Variants in BTBD16 observed in about 807,000 individuals in gnomAD.
BTBD16 encodes BTB domain containing 16, also known as BTB/POZ domain-containing protein 16.
A neutral mutation model predicts 67.4 loss-of-function variants in BTBD16; 66 were observed. The ratio of observed to expected loss-of-function variants is 0.98; its 90% CI spans 0.80 to 1.20. The LOEUF (loss-of-function observed/expected upper bound fraction) is 1.20. BTBD16 is among the 50% of genes most tolerant of loss of function. BTBD16 has a pLI of 0.00. For missense variants in BTBD16, 634 were observed against 616.0 expected, an observed-to-expected ratio of 1.03 and a Z score of -0.31; for synonymous variants, 242 against 236.4, an observed-to-expected ratio of 1.02 and a Z score of -0.22.
At chr10:122,332,874 G>T (rs1456368192) in intron 13 of BTBD16, 1 of 985,242 alleles carries the variant, frequency 1.0e-6, no homozygotes, top group South Asian at 4.7e-5. Flanking sequence ...GTTGCAAACT[G>T]GCTCAACAAG....
intron 7 of BTBD16, chr10:122,295,299 A>T (rs1407855058): frequency 2.0e-6 from 2 of 985,290 alleles, no homozygotes; most frequent in South Asian, 4.7e-5. Context: ...GAATTACAGC[A>T]GTCAAAGGGG....
intron 8 of BTBD16, among the ~76,000 whole-genome samples, chr10:122,298,325 G>C (rs1039351336): frequency 1.3e-5 from 2 of 152,100 alleles, no homozygotes; most frequent in Non-Finnish European, 2.9e-5. Context: ...CAGTGACCTG[G>C]GGGGGGATAC....
intron 10 of BTBD16, among the ~76,000 whole-genome samples, chr10:122,325,732 G>A (rs958074010): frequency 1.3e-5 from 2 of 151,744 alleles, no homozygotes; most frequent in African/African-American, 4.8e-5. Context: ...CTGGAGTGCA[G>A]TAGCATGATC....
At position 122,293,985 on chromosome 10, in the gene BTBD16, C is replaced by T. The variant is rs138287604; in HGVS notation, c.590+2791C>T. 182 of 273,454 alleles carry T rather than the reference C, an allele frequency of 6.7e-4. 2 individuals are homozygous for T. Among genetic ancestry groups the T allele is most frequent in the African/African-American group, 3.8e-3 (166 of 43,766 alleles). 16.9% of individuals were successfully genotyped at this position (273,454 alleles called of 1,614,324 possible). On this transcript the variant is annotated intron_variant, in intron 7 of 15. Coordinates refer to ENST00000260723, the MANE Select transcript of BTBD16 (RefSeq NM_144587.5). ...TCATCCTCCTTTCCCCTCCCCCCAC[C>T]TTGTTTTGAATGCCAGAGCAGGAGG...
At chr10:122,293,505 G>A (rs1220646108) in intron 7 of BTBD16, among the ~76,000 whole-genome samples, 1 of 152,206 alleles carries the variant, frequency 6.6e-6, no homozygotes, top group Non-Finnish European at 1.5e-5. Flanking sequence ...CAGTGTGTCA[G>A]CATGGTCAGA....
intron 13 of BTBD16, 186 bp downstream of exon 13, chr10:122,332,699 G>C: frequency 6.0e-6 from 4 of 670,110 alleles, no homozygotes; most frequent in Non-Finnish European, 3.7e-6. Flanking sequence ...CAAGGGAGGG[G>C]CCTGGGGCGG....
chr10:122,287,267 C>A, intron 5 of BTBD16: 1 of 231,696 alleles, frequency 4.3e-6, no homozygotes, highest in Non-Finnish European at 7.1e-6. Flanking sequence ...CTCCCCTGTA[C>A]CCAAGTCAAA....
rs184894629 is a variant in BTBD16 at position 122,286,116 on chromosome 10, G to C, written c.253G>C (p.Glu85Gln). 8 of 1,613,248 alleles carry C rather than the reference G, an allele frequency of 5.0e-6. No homozygotes were observed. The Admixed American group carries it at 5.0e-5, about 10-fold the overall frequency. The change falls in exon 5 of 16, where the codon GAG becomes CAG. Residue 85 changes from glutamate (E) to glutamine (Q), a missense_variant. By Grantham distance (29) the Glu-to-Gln change is conservative. Coordinates refer to ENST00000260723, the MANE Select transcript of BTBD16 (RefSeq NM_144587.5). ...IQSGEADVIL[E>Q]CLGFKWELHQ... Reference sequence around the variant, plus strand: ...TTTTCTGTCCTCAGATGTGATTCTCGAGTGCCTGGGCTTCAAATGGGAGCT... The same window carrying C: ...TTTTCTGTCCTCAGATGTGATTCTCCAGTGCCTGGGCTTCAAATGGGAGCT...
In BTBD16 at chr10:122,315,474, G is replaced by A. The variant is rs74647515; in HGVS notation, c.911+8166G>A. On this transcript the variant is annotated intron_variant, in intron 10 of 15. Transcript: ENST00000260723. ...ATTAGCTTGAAATTTTCCTTTCTTGGTTTATCCTTACCAGCTTTTAATTAA... is the reference window on the plus strand; with the variant it reads ...ATTAGCTTGAAATTTTCCTTTCTTGATTTATCCTTACCAGCTTTTAATTAA... Among the ~76,000 whole-genome samples, 399 of 152,124 alleles carry A rather than the reference G, an allele frequency of 2.6e-3. 1 individual carries two copies. Among genetic ancestry groups the A allele is most frequent in the African/African-American group, 9.3e-3 (384 of 41,488 alleles).
chr10:122,276,038 G>A (rs2142041553), intron 2 of BTBD16, among the ~76,000 whole-genome samples: 1 of 152,308 alleles, frequency 6.6e-6, no homozygotes, highest in South Asian at 2.1e-4. Flanking sequence ...AAAGAATGAA[G>A]TACCAATACA....
In BTBD16 at chr10:122,331,562, C is replaced by T. The variant is rs1332383638; in HGVS notation, c.1086+304C>T. ...ATAAATGAGCATGTCTCTCTCTGTGCACCCTCAGCAACATAGGGCATTTAA... is the reference window on the plus strand; with the variant it reads ...ATAAATGAGCATGTCTCTCTCTGTGTACCCTCAGCAACATAGGGCATTTAA... On this transcript the variant is annotated intron_variant, in intron 12 of 15. Coordinates refer to ENST00000260723, the MANE Select transcript of BTBD16 (RefSeq NM_144587.5). Among the ~76,000 whole-genome samples the T allele has an allele frequency of 2.6e-5, 4 of 152,226 alleles. No individual in the cohort carries two copies. In the East Asian group the frequency reaches 7.7e-4, roughly 29 times the overall value.
At chr10:122,278,435 T>C (rs2096345484) in intron 3 of BTBD16, among the ~76,000 whole-genome samples, 2 of 152,206 alleles carry the variant, frequency 1.3e-5, no homozygotes, top group Admixed American at 1.3e-4. Flanking sequence ...TGAAGAGTCA[T>C]CTTGAGGATT....
chr10:122,279,899 G>A (rs1438698885), intron 3 of BTBD16, among the ~76,000 whole-genome samples: 6 of 152,162 alleles, frequency 3.9e-5, no homozygotes, highest in African/African-American at 1.2e-4. Context: ...CATTCATGAT[G>A]GAAAGCTGAG....
At chr10:122,316,691 A>T (rs766610504) in intron 10 of BTBD16, among the ~76,000 whole-genome samples, 50 of 152,158 alleles carry the variant, frequency 3.3e-4, no homozygotes, top group Non-Finnish European at 6.6e-4. Context: ...GGCACTTATC[A>T]TGCATGGAAC....
intron 10 of BTBD16, among the ~76,000 whole-genome samples, chr10:122,328,144 G>T (rs111973255): frequency 1.3e-5 from 2 of 152,224 alleles, no homozygotes; most frequent in Non-Finnish European, 2.9e-5. Flanking sequence ...GAAGAAGGAG[G>T]AGGCTCAGAT....
intron 10 of BTBD16, among the ~76,000 whole-genome samples, chr10:122,323,362 C>T (rs2096438767): frequency 6.6e-6 from 1 of 152,150 alleles, no homozygotes; most frequent in Admixed American, 6.5e-5. Context: ...GTGGAACAGT[C>T]TTCTCAGGGC....
intron 5 of BTBD16, 85 bp downstream of exon 5, chr10:122,286,333 A>AG: frequency 1.3e-6 from 2 of 1,504,922 alleles, no homozygotes; most frequent in Non-Finnish European, 1.8e-6. Flanking sequence ...ATCTGTTTTG[A>AG]GACCACGGTC....
chr10:122,335,431 C>T (rs967922848), intron 14 of BTBD16, among the ~76,000 whole-genome samples: 5 of 152,184 alleles, frequency 3.3e-5, no homozygotes, highest in Non-Finnish European at 7.3e-5. Context: ...TTGACTTCTC[C>T]GTAGTGCTCC....
chr10:122,336,117 A>G (rs2096462891), intron 14 of BTBD16, among the ~76,000 whole-genome samples: 1 of 152,196 alleles, frequency 6.6e-6, no homozygotes, highest in Middle Eastern at 3.2e-3. Flanking sequence ...CTTGGTCCCC[A>G]CTGACTCAGG....
Sources: allele counts gnomAD v4.1 joint callset (sites outside exome capture counted in the v4.1 genomes callset), GRCh38; gene constraint gnomAD v4.1.1; transcripts MANE v1.5; gene names NCBI Gene and HGNC (gene_info 2026-07-23, HGNC 2026-07-21).